Variants in CAMTA1 observed in about 807,000 individuals in gnomAD.
CAMTA1 encodes the protein calmodulin-binding transcription activator 1.
A neutral mutation model predicts 170.9 loss-of-function variants in CAMTA1; 27 were observed. The observed-to-expected ratio is 0.16, with a 90% CI of 0.12 to 0.22. The LOEUF (loss-of-function observed/expected upper bound fraction) is 0.22. Ranked by LOEUF, CAMTA1 falls within the 10% of genes least tolerant of loss-of-function variation. CAMTA1 has a pLI of 1.00. For missense variants in CAMTA1, 1,619 were observed against 2,217.2 expected, an observed-to-expected ratio of 0.73 and a Z score of 5.42; for synonymous variants, 833 against 891.5, an observed-to-expected ratio of 0.93 and a Z score of 1.17.
At chr1:7,122,794 A>T (rs1644721470) in intron 4 of CAMTA1, among the ~76,000 whole-genome samples, 1 of 152,114 alleles carries the variant, frequency 6.6e-6, no homozygotes, top group South Asian at 2.1e-4. Context: ...TGCTGAAGCC[A>T]GAAGCTTGGT....
At chr1:7,521,026 G>A (rs774063167) in intron 6 of CAMTA1, among the ~76,000 whole-genome samples, 16 of 152,110 alleles carry the variant, frequency 1.1e-4, no homozygotes, top group Admixed American at 5.2e-4. Context: ...TATTGCTTGT[G>A]ATGAAACTCT....
chr1:7,659,308 G>A (rs539590324), intron 7 of CAMTA1, among the ~76,000 whole-genome samples: 114 of 152,234 alleles, frequency 7.5e-4, no homozygotes, highest in South Asian at 6.4e-3. Flanking sequence ...GCCAAAGGGG[G>A]GTGGATCACA....
At chr1:7,546,621 C>T (rs2094696678) in intron 6 of CAMTA1, among the ~76,000 whole-genome samples, 1 of 152,216 alleles carries the variant, frequency 6.6e-6, no homozygotes, top group African/African-American at 2.4e-5. Context: ...TTCCCACCAA[C>T]AGTGTAACAG....
Position 6,871,752 on chromosome 1 carries a change from TG to T in CAMTA1, c.234+46543del, listed in dbSNP as rs532767488. Reference sequence around the variant, plus strand: ...TTTACTTACTGGAGCTCCTTTGTTTTGCAGAGATCATGATGCAGCCGTCCTT... The same window carrying T: ...TTTACTTACTGGAGCTCCTTTGTTTTCAGAGATCATGATGCAGCCGTCCTT... On this transcript the variant is annotated intron_variant, in intron 3 of 22. Transcript: ENST00000303635. 3.3e-6 allele frequency: 5 copies of T among 1,535,030 alleles called. No individual in the cohort carries two copies. The East Asian group carries it at 1.2e-4, about 38-fold the overall frequency.
rs2097029399 is a variant in CAMTA1 at position 7,767,245 on chromosome 1, T to C, written c.*754T>C. On this transcript the variant is annotated 3_prime_UTR_variant, in exon 23 of 23. Coordinates refer to ENST00000303635, the MANE Select transcript of CAMTA1 (RefSeq NM_015215.4). ...TTGTCCCCACCACCTTCCAAGAACC[T>C]GCGAGGGTAGTAATCATCTTGTCCC... The C allele has an allele frequency of 6.5e-6, 1 of 152,920 alleles. No individual in the cohort carries two copies. The highest frequency in any genetic ancestry group is 1.9e-4 in the East Asian group (1 of 5,324). 9.5% of individuals were successfully genotyped at this position (152,920 alleles called of 1,614,324 possible).
intron 3 of CAMTA1, among the ~76,000 whole-genome samples, chr1:6,867,165 G>A (rs1251044073): frequency 6.6e-6 from 1 of 152,182 alleles, no homozygotes; most frequent in African/African-American, 2.4e-5. Flanking sequence ...CTATGATAAT[G>A]AGCATGTTAT....
chr1:7,006,142 C>T (rs1401324892), intron 3 of CAMTA1, among the ~76,000 whole-genome samples: 4 of 152,134 alleles, frequency 2.6e-5, no homozygotes, highest in Admixed American at 2.6e-4. Context: ...TAGACCTGCC[C>T]ATAGTATTTG....
intron 5 of CAMTA1, among the ~76,000 whole-genome samples, chr1:7,312,676 C>T (rs1448307259): frequency 6.6e-6 from 1 of 152,226 alleles, no homozygotes; most frequent in Non-Finnish European, 1.5e-5. Flanking sequence ...GCTGTCCTCT[C>T]TGTCCCTAAC....
intron 3 of CAMTA1, among the ~76,000 whole-genome samples, chr1:6,939,797 C>T (rs1339143028): frequency 6.6e-6 from 1 of 152,268 alleles, no homozygotes; most frequent in Non-Finnish European, 1.5e-5. Flanking sequence ...TTGGCACTTC[C>T]TCTCCAAGGC....
rs576230802 is a variant in CAMTA1 at position 7,261,361 on chromosome 1, T to TGA, written c.438+11738_438+11739dup. Among the ~76,000 whole-genome samples, 29 of 152,344 alleles carry TGA rather than the reference T, an allele frequency of 1.9e-4. 1 individual carries two copies. The South Asian group carries it at 4.8e-3, about 25-fold the overall frequency. ...GTTGAGGTCTATGTTTTGCAGCAGC[T>TGA]GAGATGCTGGTAGAGACCAGGATGG... On this transcript the variant is annotated intron_variant, in intron 5 of 22. Coordinates refer to ENST00000303635, the MANE Select transcript of CAMTA1 (RefSeq NM_015215.4).
intron 5 of CAMTA1, among the ~76,000 whole-genome samples, chr1:7,427,270 T>C (rs11120923): frequency 0.29 from 44,063 of 152,132 alleles, 7,065 homozygotes; most frequent in East Asian, 0.57. Flanking sequence ...ATTTGTACAT[T>C]GTGAATTCCA....
chr1:7,311,437 T>A (rs1261740207), intron 5 of CAMTA1, among the ~76,000 whole-genome samples: 3 of 152,214 alleles, frequency 2.0e-5, no homozygotes, highest in African/African-American at 7.2e-5. Context: ...TTCTAAAATT[T>A]CCATTTGGTT....
chr1:7,315,855 C>T (rs768631232), intron 5 of CAMTA1, among the ~76,000 whole-genome samples: 3 of 152,192 alleles, frequency 2.0e-5, no homozygotes, highest in Non-Finnish European at 2.9e-5. Context: ...TTCATGCCAT[C>T]TCCTCCTCTG....
intron 3 of CAMTA1, among the ~76,000 whole-genome samples, chr1:7,046,668 A>G (rs1036649962): frequency 8.5e-5 from 13 of 152,178 alleles, no homozygotes; most frequent in African/African-American, 1.9e-4. Flanking sequence ...GGAGAAAGTG[A>G]CTAACTCCAC....
intron 5 of CAMTA1, chr1:7,441,520 G>T (rs559465577): frequency 1.3e-5 from 2 of 152,386 alleles, no homozygotes; most frequent in African/African-American, 4.8e-5. Flanking sequence ...CCATCCCGCA[G>T]TGTCCACTGG....
chr1:6,836,078 T>TACCTGCCTAC (rs1557663379), intron 3 of CAMTA1, among the ~76,000 whole-genome samples: 17 of 151,924 alleles, frequency 1.1e-4, no homozygotes, highest in Non-Finnish European at 2.1e-4. Flanking sequence ...TACCTGCCTA[T>TACCTGCCTAC]CCAGCTACCT....
At chr1:7,546,564 T>C (rs914549599) in intron 6 of CAMTA1, among the ~76,000 whole-genome samples, 4 of 152,328 alleles carry the variant, frequency 2.6e-5, no homozygotes, top group African/African-American at 9.6e-5. Flanking sequence ...TTCTAGATCT[T>C]TGAAGAATTG....
chr1:7,710,583 A>G (rs1250005940), intron 11 of CAMTA1, among the ~76,000 whole-genome samples: 1 of 142,222 alleles, frequency 7.0e-6, no homozygotes, highest in Non-Finnish European at 1.5e-5. Context: ...CCTGGGTGAC[A>G]GAACGAGACC....
At chr1:7,525,099 T>C (rs1263920054) in intron 6 of CAMTA1, among the ~76,000 whole-genome samples, 1 of 152,186 alleles carries the variant, frequency 6.6e-6, no homozygotes, top group Non-Finnish European at 1.5e-5. Context: ...TCGCGCTGCA[T>C]GAGACTTGCA....
Sources: gnomAD v4.1 joint callset for allele counts (sites outside exome capture counted in the v4.1 genomes callset) on GRCh38, gnomAD v4.1.1 for gene constraint, MANE v1.5 for transcripts, NCBI Gene and HGNC (gene_info 2026-07-23, HGNC 2026-07-21) for gene names.